The following SAMD4A variants were observed in gnomAD, a reference collection of about 807,000 sequenced individuals.
SAMD4A encodes sterile alpha motif domain containing 4A, also known as protein Smaug homolog 1.
In SAMD4A, 33 loss-of-function variants were observed where a neutral mutation model predicts 81.3. The observed-to-expected ratio is 0.41, with a 90% CI of 0.31 to 0.54. SAMD4A has a LOEUF of 0.54. Ranked by LOEUF, SAMD4A falls within the 20% of genes least tolerant of loss-of-function variation. The probability of loss-of-function intolerance (pLI) is 0.37; values close to 1 mark genes in which losing one functional copy is unlikely to be tolerated. For synonymous variants in SAMD4A, 389 were observed against 382.1 expected, an observed-to-expected ratio of 1.02 and a Z score of -0.21; for missense variants, 854 against 951.1, an observed-to-expected ratio of 0.90 and a Z score of 1.34.
intron 2 of SAMD4A, among the ~76,000 whole-genome samples, chr14:54,679,539 G>C (rs1327967505): frequency 6.6e-6 from 1 of 152,178 alleles, no homozygotes; most frequent in Non-Finnish European, 1.5e-5. Context: ...TGGAAGTGGA[G>C]GCCTTAGTTT....
chr14:54,685,823 C>G, intron 2 of SAMD4A: 1 of 456,594 alleles, frequency 2.2e-6, no homozygotes, highest in Non-Finnish European at 4.4e-6. Flanking sequence ...GGTATGCATC[C>G]GAAGGGTAAC....
At chr14:54,607,765 T>A (rs568075356) in intron 2 of SAMD4A, among the ~76,000 whole-genome samples, 125 of 152,262 alleles carry the variant, frequency 8.2e-4, no homozygotes, top group African/African-American at 2.9e-3. Context: ...CAAGGTCTTA[T>A]TTTAATGGCT....
chr14:54,582,033 T>C (rs966866326), intron 2 of SAMD4A, among the ~76,000 whole-genome samples: 1 of 152,258 alleles, frequency 6.6e-6, no homozygotes, highest in Non-Finnish European at 1.5e-5. Flanking sequence ...CAGAATGAGC[T>C]GTGTTAGCAC....
chr14:54,749,333 G>GT (rs2038042201), intron 5 of SAMD4A, among the ~76,000 whole-genome samples: 1 of 152,144 alleles, frequency 6.6e-6, no homozygotes, highest in African/African-American at 2.4e-5. Context: ...GGCTTGGCTT[G>GT]TTTGGGAAGT....
At chr14:54,662,465 A>G (rs2035664821) in intron 2 of SAMD4A, among the ~76,000 whole-genome samples, 1 of 146,692 alleles carries the variant, frequency 6.8e-6, no homozygotes, top group Non-Finnish European at 1.5e-5. Context: ...GCTGGAGTGC[A>G]GTGGCACTAT....
intron 2 of SAMD4A, among the ~76,000 whole-genome samples, chr14:54,588,465 G>T (rs1372681281): frequency 6.6e-6 from 1 of 151,824 alleles, no homozygotes; most frequent in African/African-American, 2.4e-5. Context: ...AGTTCCATGA[G>T]GTGTGCCCTT....
chr14:54,623,483 C>CCA (rs2034667541), intron 2 of SAMD4A, among the ~76,000 whole-genome samples: 1 of 45,952 alleles, frequency 2.2e-5, no homozygotes, highest in Non-Finnish European at 3.9e-5. Context: ...TGGACATCAG[C>CCA]AAAAAAAAAA....
Position 54,761,118 on chromosome 14 carries a change from C to T in SAMD4A, c.1510+624C>T, listed in dbSNP as rs571626618. The stretch of plus-strand genomic sequence containing the variant: ...GCCTGCCATGTGAAATGCTCTAGTA[C>T]GAATAGCTTGTGCTTATTTAGCTTT... On this transcript the variant is annotated intron_variant, in intron 7 of 12. Transcript: ENST00000554335. Among the ~76,000 whole-genome samples, 6 of 152,338 alleles carry T rather than the reference C, an allele frequency of 3.9e-5. No homozygotes were observed. In the East Asian group the frequency reaches 5.8e-4, roughly 15 times the overall value.
In SAMD4A at chr14:54,598,694, A is replaced by T. The variant is rs548404935; in HGVS notation, c.196+30582A>T. 9.2e-5 allele frequency among the ~76,000 whole-genome samples: 14 copies of T among 152,370 alleles called. No homozygotes were observed. In the South Asian group the frequency reaches 2.9e-3, roughly 32 times the overall value. ...TTAAAGGAAACATAAGCTCACAGCA[A>T]AAAACAAAAGTCAGAAAATAAAGAC... On this transcript the variant is annotated intron_variant, in intron 2 of 12. Coordinates refer to ENST00000554335, the MANE Select transcript of SAMD4A (RefSeq NM_015589.6).
At chr14:54,738,648 A>C (rs146275553) in intron 4 of SAMD4A, among the ~76,000 whole-genome samples, 377 of 152,338 alleles carry the variant, frequency 2.5e-3, no homozygotes, top group African/African-American at 7.8e-3. Context: ...GAGCACTAGC[A>C]AAACCCACTT....
chr14:54,575,808 T>G (rs2033272116), intron 2 of SAMD4A, among the ~76,000 whole-genome samples: 1 of 152,170 alleles, frequency 6.6e-6, no homozygotes, highest in Non-Finnish European at 1.5e-5. Flanking sequence ...TATTTGAGCA[T>G]TTTATATACT....
At chr14:54,577,106 C>T (rs1485889122) in intron 2 of SAMD4A, among the ~76,000 whole-genome samples, 1 of 152,230 alleles carries the variant, frequency 6.6e-6, no homozygotes, top group Non-Finnish European at 1.5e-5. Flanking sequence ...GGGGCTTAAT[C>T]CCACAGGGAT....
intron 8 of SAMD4A, among the ~76,000 whole-genome samples, chr14:54,767,107 G>A (rs2038567479): frequency 6.6e-6 from 1 of 152,170 alleles, no homozygotes; most frequent in Non-Finnish European, 1.5e-5. Context: ...AAGGGAAAAT[G>A]TTGTTCAGGG....
At position 54,567,842 on chromosome 14, in the gene SAMD4A, C is replaced by G. The variant is rs2032984502; in HGVS notation, c.-75C>G. On this transcript the variant is annotated 5_prime_UTR_variant, in exon 2 of 13. Coordinates refer to ENST00000554335, the MANE Select transcript of SAMD4A (RefSeq NM_015589.6). ...CGTCTCCGGCCGCGGGGCTGCGGCTCCGCCAAACTTTGGGGCGGGCGGGGC... is the reference window on the plus strand; with the variant it reads ...CGTCTCCGGCCGCGGGGCTGCGGCTGCGCCAAACTTTGGGGCGGGCGGGGC... 2 of 1,521,082 alleles carry G rather than the reference C, an allele frequency of 1.3e-6. No individual in the cohort carries two copies. Among genetic ancestry groups the G allele is most frequent in the Non-Finnish European group, 1.8e-6 (2 of 1,134,824 alleles). 94.2% of individuals were successfully genotyped at this position (1,521,082 alleles called of 1,614,324 possible). A position where few individuals can be genotyped will look rare whatever the true frequency, so the allele number is the denominator to read the frequency against.
At chr14:54,646,415 G>A (rs980093143) in intron 2 of SAMD4A, among the ~76,000 whole-genome samples, 23 of 152,222 alleles carry the variant, frequency 1.5e-4, no homozygotes, top group Non-Finnish European at 3.2e-4. Flanking sequence ...CAAACACATT[G>A]GTGGGCCCCG....
chr14:54,709,895 A>G (rs1244999281), intron 3 of SAMD4A, among the ~76,000 whole-genome samples: 2 of 152,242 alleles, frequency 1.3e-5, no homozygotes, highest in Non-Finnish European at 2.9e-5. Flanking sequence ...TTAAGAGCCT[A>G]CAGAATTCCC....
chr14:54,723,380 G>A (rs2037313464), intron 3 of SAMD4A, among the ~76,000 whole-genome samples: 1 of 152,176 alleles, frequency 6.6e-6, no homozygotes, highest in Non-Finnish European at 1.5e-5. Flanking sequence ...ATGATTGCAT[G>A]GAATAGCCAA....
Position 54,622,879 on chromosome 14 carries a change from T to A in SAMD4A, c.196+54767T>A, listed in dbSNP as rs145948854. Among the ~76,000 whole-genome samples the A allele has an allele frequency of 5.6e-4, 86 of 152,338 alleles. No individual in the cohort carries two copies. The East Asian group carries it at 0.011, about 19-fold the overall frequency. Reference sequence around the variant, plus strand: ...ACCCTAGCCCTGCTGAATCAGAACCTGCATTTCAACAAGAACCCCAGGTAT... The same window carrying A: ...ACCCTAGCCCTGCTGAATCAGAACCAGCATTTCAACAAGAACCCCAGGTAT... On this transcript the variant is annotated intron_variant, in intron 2 of 12. Coordinates refer to ENST00000554335, the MANE Select transcript of SAMD4A (RefSeq NM_015589.6).
intron 4 of SAMD4A, among the ~76,000 whole-genome samples, chr14:54,739,253 G>A (rs1447026345): frequency 6.6e-6 from 1 of 151,840 alleles, no homozygotes; most frequent in South Asian, 2.1e-4. Flanking sequence ...AAAGGTTAAG[G>A]AATATACCAT....
Sources: gnomAD v4.1 joint callset for allele counts (sites outside exome capture counted in the v4.1 genomes callset) on GRCh38, gnomAD v4.1.1 for gene constraint, MANE v1.5 for transcripts, NCBI Gene and HGNC (gene_info 2026-07-23, HGNC 2026-07-21) for gene names.